RHO: variants seen among roughly 807,000 people sequenced by gnomAD.
The protein encoded by RHO is opsin 2, rod pigment.
Under a neutral mutation model 31.2 loss-of-function variants are expected in RHO, and 21 were observed. The observed-to-expected ratio is 0.67, with a 90% confidence interval of 0.48 to 0.97. RHO has a LOEUF of 0.97. Ranked by LOEUF, RHO falls within the 50% of genes least tolerant of loss-of-function variation. RHO has a pLI of 0.00. For synonymous variants in RHO, 211 were observed against 196.6 expected (o/e 1.07, Z -0.61); for missense variants, 414 against 479.5 (o/e 0.86, Z 1.28).
chr3:129,533,993 T>C lies in RHO; in HGVS notation c.*275T>C. On this transcript the variant is annotated 3_prime_UTR_variant, in exon 5 of 5. Transcript: ENST00000296271. ...GCCCCTCCTCCTCCCAACTCATCTT[T>C]CAGGAACACGAGGATTCTTGCTTTC... 1 of 422,204 alleles carries C rather than the reference T, an allele frequency of 2.4e-6. No individual in the cohort carries two copies. Among genetic ancestry groups the C allele is most frequent in the African/African-American group, 2.0e-5 (1 of 50,168 alleles). The allele number at this position is 422,204 out of a possible 1,614,324, so 26.2% of individuals were successfully genotyped here. A position where few individuals can be genotyped will look rare whatever the true frequency, so the allele number is the denominator to read the frequency against.
Position 129,528,971 on chromosome 3 carries a change from G to T in RHO, c.238G>T (p.Ala80Ser), listed in dbSNP as rs1176212506. 1.2e-6 allele frequency: 2 copies of T among 1,614,090 alleles called. No individual in the cohort carries two copies. Among genetic ancestry groups the T allele is most frequent in the Admixed American group, 3.3e-5 (2 of 60,004 alleles). ...TPLNYILLNL[A>S]VADLFMVLGG... ...TCTCAACTACATCCTGCTCAACCTA[G>T]CCGTGGCTGACCTCTTCATGGTCCT... Residue 80 changes from alanine to serine, a missense_variant, in exon 1 of 5, where the codon GCC (alanine) becomes TCC (serine). Physicochemically the swap from Ala to Ser is moderately conservative, Grantham distance 99 (BLOSUM62 1). Coordinates refer to ENST00000296271, the MANE Select transcript of RHO (RefSeq NM_000539.3).
Position 129,530,972 on chromosome 3 carries a change from C to T in RHO, c.458C>T (p.Ala153Val), listed in dbSNP as rs1418964117. ...MSNFRFGENH[A>V]IMGVAFTWVM... is the part of the protein sequence containing the mutation. ...AACTTCCGCTTCGGGGAGAACCATG[C>T]CATCATGGGCGTTGCCTTCACCTGG... Residue 153 changes from alanine to valine, a missense_variant, in exon 2 of 5, where the codon GCC (alanine) becomes GTC (valine). Transcript: ENST00000296271. The T allele has an allele frequency of 3.1e-6, 5 of 1,614,150 alleles. No individual in the cohort carries two copies. The highest frequency in any genetic ancestry group is 3.4e-6 in the Non-Finnish European group (4 of 1,180,060).
intron 2 of RHO, 121 bp downstream of exon 2, chr3:129,531,165 T>C: frequency 1.7e-6 from 2 of 1,159,964 alleles, no homozygotes; most frequent in Admixed American, 2.0e-5. Flanking sequence ...CTGGCCCAAA[T>C]GCCCACTCAG....
intron 1 of RHO, among the ~76,000 whole-genome samples, chr3:129,530,427 C>A (rs1202926964): frequency 6.6e-6 from 1 of 151,706 alleles, no homozygotes; most frequent in African/African-American, 2.4e-5. Context: ...GGAAGGACTG[C>A]CAATTCTGGG....
At chr3:129,533,566 T>C (rs2084799869) in intron 4 of RHO, 42 bp from the exon 5 acceptor site, 2 of 1,454,490 alleles carry the variant, frequency 1.4e-6, no homozygotes, top group South Asian at 1.1e-5. Context: ...CCAAGCACAC[T>C]GTGGGCAGCC....
chr3:129,532,226 G>A lies in RHO; in HGVS notation c.531-25G>A, dbSNP rs1338821704. The A allele has an allele frequency of 1.9e-6, 3 of 1,612,014 alleles. No homozygotes were observed. The highest frequency in any genetic ancestry group is 8.5e-7 in the Non-Finnish European group (1 of 1,178,256). On this transcript the variant is annotated intron_variant, in intron 2 of 4. Transcript: ENST00000296271. This position sits in a 1 kb window ranked among gnomAD's most constrained non-coding sequence, Gnocchi z 5.5. ...CTGTTCCCAAGTCCCTCACAGGCAG[G>A]GTCTCCCTACCTGCCTGTCCTCAGG...
Position 129,532,728 on chromosome 3 carries a change from G to A in RHO, c.892G>A (p.Ala298Thr), listed in dbSNP as rs781237162. 5 of 1,614,092 alleles carry A rather than the reference G, an allele frequency of 3.1e-6. No homozygotes were observed. The highest frequency in any genetic ancestry group is 4.2e-6 in the Non-Finnish European group (5 of 1,180,048). Reference protein sequence around the residue: ...MTIPAFFAKSAAIYNPVIYIM... With the variant: ...MTIPAFFAKSTAIYNPVIYIM... ...CATCCCAGCGTTCTTTGCCAAGAGC[G>A]CCGCCATCTACAACCCTGTCATCTA... Residue 298 changes from alanine (A) to threonine (T), a missense_variant, in exon 4 of 5, where the codon GCC becomes ACC. Transcript: ENST00000296271. The surrounding 1 kb of genome is among the most constrained non-coding windows in gnomAD (Gnocchi z 5.5).
At position 129,532,261 on chromosome 3, in the gene RHO, G is replaced by C. The variant is rs775557680; in HGVS notation, c.541G>C (p.Glu181Gln). The C allele has an allele frequency of 3.7e-6, 6 of 1,614,048 alleles. No homozygotes were observed. The highest frequency in any genetic ancestry group is 4.2e-6 in the Non-Finnish European group (5 of 1,180,004). ...CCTGCCTGTCCTCAGGTACATCCCCGAGGGCCTGCAGTGCTCGTGTGGAAT... is the reference window on the plus strand; with the variant it reads ...CCTGCCTGTCCTCAGGTACATCCCCCAGGGCCTGCAGTGCTCGTGTGGAAT... The part of the protein sequence containing the change: ...PLAGWSRYIP[E>Q]GLQCSCGIDY... Residue 181 changes from glutamate (E) to glutamine (Q), a missense_variant, in exon 3 of 5, where the codon GAG becomes CAG. Coordinates refer to ENST00000296271, the MANE Select transcript of RHO (RefSeq NM_000539.3). The surrounding 1 kb of genome is among the most constrained non-coding windows in gnomAD (Gnocchi z 5.5).
Position 129,533,833 on chromosome 3 carries a change from G to A in RHO, c.*115G>A, listed in dbSNP as rs886057969. The A allele has an allele frequency of 3.2e-5, 22 of 696,146 alleles. No homozygotes were observed. The highest frequency in any genetic ancestry group is 1.6e-4 in the Admixed American group (6 of 36,994). The allele number at this position is 696,146 out of a possible 1,614,324, so 43.1% of individuals were successfully genotyped here. On this transcript the variant is annotated 3_prime_UTR_variant, in exon 5 of 5. Coordinates refer to ENST00000296271, the MANE Select transcript of RHO (RefSeq NM_000539.3). ...TGTGCAGAATGAACGAAGTCACATA[G>A]GCTCCTTAATTTTTTTTTTTTTTTT...
rs1287941897 is a variant in RHO at position 129,528,863 on chromosome 3, A to C, written c.130A>C (p.Met44Leu). Residue 44 changes from methionine to leucine, a missense_variant, in exon 1 of 5, where the codon ATG becomes CTG. Coordinates refer to ENST00000296271, the MANE Select transcript of RHO (RefSeq NM_000539.3). ...GCAGTTCTCCATGCTGGCCGCCTAC[A>C]TGTTTCTGCTGATCGTGCTGGGCTT... is the stretch of plus-strand genomic sequence containing the variant. ...PWQFSMLAAYMFLLIVLGFPI... is the reference protein window; with the variant it reads ...PWQFSMLAAYLFLLIVLGFPI... 1 of 1,614,186 alleles carries C rather than the reference A, an allele frequency of 6.2e-7. No homozygotes were observed. Among genetic ancestry groups the C allele is most frequent in the Admixed American group, 1.7e-5 (1 of 60,028 alleles).
Position 129,529,114 on chromosome 3 carries a change from G to A in RHO, c.361+20G>A. 6.2e-7 allele frequency: 1 copy of A among 1,606,616 alleles called. No individual in the cohort carries two copies. ...TGGGCGGTATGAGCCGGGTGTGGGT[G>A]GGGTGTGCAGGAGCCCGGGAGCATG... On this transcript the variant is annotated intron_variant, in intron 1 of 4. Transcript: ENST00000296271.
At position 129,529,093 on chromosome 3, in the gene RHO, C is replaced by A. The variant is rs79765751; in HGVS notation, c.360C>A (p.Gly120=). The A allele has an allele frequency of 1.1e-5, 18 of 1,611,094 alleles. No homozygotes were observed. The highest frequency in any genetic ancestry group is 8.9e-5 in the East Asian group (4 of 44,824). The change falls in exon 1 of 5, where the codon GGC becomes GGA. Residue 120 remains glycine (G), a splice_region_variant and synonymous_variant. Transcript: ENST00000296271. ...CNLEGFFATL[G]GEIALWSLVV... is the part of the protein sequence containing the mutation. Reference sequence around the variant, plus strand: ...TGGAGGGCTTCTTTGCCACCCTGGGCGGTATGAGCCGGGTGTGGGTGGGGT... The same window carrying A: ...TGGAGGGCTTCTTTGCCACCCTGGGAGGTATGAGCCGGGTGTGGGTGGGGT...
At chr3:129,533,507 G>A in intron 4 of RHO, 101 bp from the exon 5 acceptor site, 1 of 890,706 alleles carries the variant, frequency 1.1e-6, no homozygotes, top group East Asian at 2.4e-5. Flanking sequence ...GAATCGTGAG[G>A]GGCAGAAGCA....
Position 129,528,973 on chromosome 3 carries a change from C to T in RHO, c.240C>T (p.Ala80=), listed in dbSNP as rs770941561. ...TCAACTACATCCTGCTCAACCTAGC[C>T]GTGGCTGACCTCTTCATGGTCCTAG... The part of the protein sequence containing the change: ...TPLNYILLNL[A]VADLFMVLGG... Residue 80 remains alanine (A), a synonymous_variant, in exon 1 of 5, where the codon GCC becomes GCT. Transcript: ENST00000296271. The T allele has an allele frequency of 2.3e-5, 37 of 1,614,122 alleles. No individual in the cohort carries two copies. Among genetic ancestry groups the T allele is most frequent in the Non-Finnish European group, 2.5e-5 (30 of 1,180,054 alleles).
chr3:129,531,172 T>G, intron 2 of RHO, 128 bp downstream of exon 2: 1 of 1,077,058 alleles, frequency 9.3e-7, no homozygotes, highest in Non-Finnish European at 1.4e-6. Context: ...AAATGCCCAC[T>G]CAGGGTAGGG....
chr3:129,530,703 C>T (rs1271477680), intron 1 of RHO, among the ~76,000 whole-genome samples, 173 bp from the exon 2 acceptor site: 1 of 152,162 alleles, frequency 6.6e-6, no homozygotes, highest in Non-Finnish European at 1.5e-5. Flanking sequence ...AGCGTGTGGT[C>T]CCTCTGCCCC....
chr3:129,532,689 C>A lies in RHO; in HGVS notation c.853C>A (p.Pro285Thr). Residue 285 changes from proline (P) to threonine (T), a missense_variant, in exon 4 of 5, where the codon CCC (proline) becomes ACC (threonine). By Grantham distance (38) the Pro-to-Thr change is conservative. Coordinates refer to ENST00000296271, the MANE Select transcript of RHO (RefSeq NM_000539.3). The surrounding 1 kb of genome is among the most constrained non-coding windows in gnomAD (Gnocchi z 5.5). The part of the protein sequence containing the change: ...IFTHQGSNFG[P>T]IFMTIPAFFA... ...CACCCACCAGGGCTCCAACTTCGGT[C>A]CCATCTTCATGACCATCCCAGCGTT... 1 of 1,614,264 alleles carries A rather than the reference C, an allele frequency of 6.2e-7. No individual in the cohort carries two copies. Among genetic ancestry groups the A allele is most frequent in the Admixed American group, 1.7e-5 (1 of 60,030 alleles).
chr3:129,530,831 T>C, intron 1 of RHO, 45 bp from the exon 2 acceptor site: 1 of 1,613,726 alleles, frequency 6.2e-7, no homozygotes, highest in South Asian at 1.1e-5. Context: ...TGCACCCTCC[T>C]TAGGCAGTGG....
Position 129,532,734 on chromosome 3 carries a change from A to T in RHO, c.898A>T (p.Ile300Phe), listed in dbSNP as rs768300463. 5 of 1,614,204 alleles carry T rather than the reference A, an allele frequency of 3.1e-6. No individual in the cohort carries two copies. Among genetic ancestry groups the T allele is most frequent in the Non-Finnish European group, 4.2e-6 (5 of 1,180,040 alleles). The change falls in exon 4 of 5, where the codon ATC becomes TTC. Residue 300 changes from isoleucine to phenylalanine, a missense_variant. By Grantham distance (21) the Ile-to-Phe change is conservative (BLOSUM62 0). Transcript: ENST00000296271. This position sits in a 1 kb window ranked among gnomAD's most constrained non-coding sequence, Gnocchi z 5.5. ...AGCGTTCTTTGCCAAGAGCGCCGCC[A>T]TCTACAACCCTGTCATCTATATCAT... ...IPAFFAKSAA[I>F]YNPVIYIMMN...
Sources: gnomAD v4.1 joint callset for allele counts (sites outside exome capture counted in the v4.1 genomes callset) on GRCh38, gnomAD v4.1.1 for gene constraint, Gnocchi (gnomAD v3.1) non-coding constraint, MANE v1.5 for transcripts, NCBI Gene and HGNC (gene_info 2026-07-23, HGNC 2026-07-21) for gene names.